Variants in NBEA observed in about 807,000 individuals in gnomAD.
The protein encoded by NBEA is lysosomal-trafficking regulator 2.
Under a neutral mutation model 343.4 loss-of-function variants are expected in NBEA, and 44 were observed. The observed-to-expected ratio is 0.13, with a 90% CI of 0.10 to 0.16. NBEA has a LOEUF of 0.16. NBEA is among the 10% of genes least tolerant of loss of function. The probability of loss-of-function intolerance (pLI) is 1.00; values close to 1 mark genes in which losing one functional copy is unlikely to be tolerated. For missense variants in NBEA, 2,555 were observed against 3,631.3 expected, an observed-to-expected ratio of 0.70 and a Z score of 7.62; for synonymous variants, 1,175 against 1,238.7, an observed-to-expected ratio of 0.95 and a Z score of 1.08.
rs34764590 is a variant in NBEA, at chr13:35,254,820, A to G, written c.5776+22201A>G. The stretch of plus-strand genomic sequence containing the variant: ...GCAAATATACCTCATTGTTATATCC[A>G]AAATTTCAAATTGGTAAGAATAAAT... On this transcript the variant is annotated intron_variant, in intron 34 of 58. Transcript: ENST00000379939. 3.0e-3 allele frequency among the ~76,000 whole-genome samples: 455 copies of G among 152,248 alleles called. 4 individuals are homozygous for G. Among genetic ancestry groups the G allele is most frequent in the Non-Finnish European group, 4.4e-3 (298 of 68,000 alleles).
At chr13:35,514,868 C>T (rs1011226280) in intron 41 of NBEA, among the ~76,000 whole-genome samples, 40 of 152,106 alleles carry the variant, frequency 2.6e-4, no homozygotes, top group Non-Finnish European at 5.7e-4. Flanking sequence ...TTTACAAGAG[C>T]TCTTGTTCTG....
At chr13:35,130,250 G>A (rs978957961) in intron 17 of NBEA, among the ~76,000 whole-genome samples, 3 of 151,978 alleles carry the variant, frequency 2.0e-5, no homozygotes, top group African/African-American at 7.2e-5. Flanking sequence ...TAAAAGAGAA[G>A]GGTAAAGTGG....
chr13:35,153,059 A>G (rs2068899961), intron 18 of NBEA, among the ~76,000 whole-genome samples: 1 of 123,272 alleles, frequency 8.1e-6, no homozygotes, highest in African/African-American at 3.2e-5. Context: ...TTTTTTTGAG[A>G]CAGAGTCTCA....
chr13:35,354,527 CAGAA>C (rs1388624282), intron 38 of NBEA, among the ~76,000 whole-genome samples: 1 of 152,086 alleles, frequency 6.6e-6, no homozygotes, highest in Non-Finnish European at 1.5e-5. Context: ...ATTAGACTGA[CAGAA>C]AGCATGGCCT....
At chr13:34,981,627 G>A (rs921597922) in intron 1 of NBEA, among the ~76,000 whole-genome samples, 16 of 152,082 alleles carry the variant, frequency 1.1e-4, no homozygotes, top group African/African-American at 3.9e-4. Context: ...AGAGATTTTG[G>A]TCTGCAATTT....
At chr13:35,339,325 AAT>A (rs1280859780) in intron 36 of NBEA, among the ~76,000 whole-genome samples, 3 of 152,104 alleles carry the variant, frequency 2.0e-5, no homozygotes, top group Non-Finnish European at 4.4e-5. Context: ...ATATGAGACC[AAT>A]ATACAAAGAT....
At chr13:35,270,580 G>A (rs911070527) in intron 34 of NBEA, among the ~76,000 whole-genome samples, 3 of 152,186 alleles carry the variant, frequency 2.0e-5, no homozygotes, top group African/African-American at 4.8e-5. Flanking sequence ...CTAGCCAAGG[G>A]AAGCCATGAG....
At chr13:35,412,175 G>A (rs1223438778) in intron 38 of NBEA, among the ~76,000 whole-genome samples, 1 of 152,102 alleles carries the variant, frequency 6.6e-6, no homozygotes, top group Non-Finnish European at 1.5e-5. Context: ...TATGTGTATA[G>A]ATATATATTA....
At chr13:35,083,834 C>A (rs1460558718) in intron 10 of NBEA, among the ~76,000 whole-genome samples, 1 of 152,024 alleles carries the variant, frequency 6.6e-6, no homozygotes, top group Admixed American at 6.6e-5. Context: ...GGAAACCCAT[C>A]TCATGTGCAG....
At chr13:35,139,958 C>T (rs775670746) in intron 17 of NBEA, among the ~76,000 whole-genome samples, 6 of 151,924 alleles carry the variant, frequency 3.9e-5, no homozygotes, top group Non-Finnish European at 8.8e-5. Context: ...TGGATTTCTT[C>T]GGTAGCTGAA....
At chr13:35,399,962 A>G (rs1039323862) in intron 38 of NBEA, among the ~76,000 whole-genome samples, 3 of 152,026 alleles carry the variant, frequency 2.0e-5, no homozygotes, top group African/African-American at 7.2e-5. Flanking sequence ...AAAGCACAAT[A>G]TTTATTGTTT....
chr13:35,414,306 G>A (rs2043765984), intron 38 of NBEA, among the ~76,000 whole-genome samples: 1 of 151,996 alleles, frequency 6.6e-6, no homozygotes, highest in South Asian at 2.1e-4. Context: ...ATGTATACAT[G>A]CGCCATGTTG....
chr13:35,182,612 C>A, intron 29 of NBEA, 84 bp downstream of exon 29: 2 of 1,260,518 alleles, frequency 1.6e-6, no homozygotes, highest in Non-Finnish European at 2.2e-6. Flanking sequence ...TAAACTGGAC[C>A]TCTTCATAAT....
chr13:35,353,570 ATG>A (rs1422074356), intron 38 of NBEA, among the ~76,000 whole-genome samples: 2 of 152,142 alleles, frequency 1.3e-5, no homozygotes, highest in African/African-American at 2.4e-5. Flanking sequence ...AAATTATAAC[ATG>A]TGTCTTTAAA....
chr13:35,175,291 C>A (rs1342714411), intron 27 of NBEA, among the ~76,000 whole-genome samples: 1 of 152,020 alleles, frequency 6.6e-6, no homozygotes, highest in Non-Finnish European at 1.5e-5. Context: ...ATTAATTAGA[C>A]AAAAAGTGAT....
intron 41 of NBEA, among the ~76,000 whole-genome samples, chr13:35,541,725 GGTGTGTGTGTGTGTGTGT>G (rs3075505): frequency 1.4e-5 from 2 of 145,144 alleles, no homozygotes; most frequent in African/African-American, 2.6e-5. Flanking sequence ...GGTCTGCATG[GGTGTGTGTGTGTGTGTGT>G]GTGTGTGTGT....
intron 30 of NBEA, among the ~76,000 whole-genome samples, chr13:35,189,503 A>G (rs534111310): frequency 6.6e-6 from 1 of 152,030 alleles, no homozygotes; most frequent in Non-Finnish European, 1.5e-5. Flanking sequence ...CCTCTATTCC[A>G]TTATAAAAGT....
chr13:34,972,135 G>A (rs1223357528), intron 1 of NBEA, among the ~76,000 whole-genome samples: 1 of 151,968 alleles, frequency 6.6e-6, no homozygotes, highest in Non-Finnish European at 1.5e-5. Context: ...GCATAGAGGT[G>A]TTTATAATAT....
intron 33 of NBEA, among the ~76,000 whole-genome samples, chr13:35,230,841 A>T (rs567283850): frequency 6.6e-6 from 1 of 152,146 alleles, no homozygotes; most frequent in East Asian, 1.9e-4. Context: ...CCACTGACTG[A>T]GAATTTGTAC....
Sources: gnomAD v4.1 joint callset for allele counts (sites outside exome capture counted in the v4.1 genomes callset) on GRCh38, gnomAD v4.1.1 for gene constraint, MANE v1.5 for transcripts, NCBI Gene and HGNC (gene_info 2026-07-23, HGNC 2026-07-21) for gene names.